Variants in RIPOR2 observed in about 807,000 individuals in gnomAD.
RIPOR2 encodes the protein rho family-interacting cell polarization regulator 2.
RIPOR2 carries 39 observed loss-of-function variants against 114.5 expected under a neutral mutation model. That is an observed-to-expected ratio of 0.34 (90% CI 0.26 to 0.44). The LOEUF (loss-of-function observed/expected upper bound fraction) is 0.44. Among genes scored for constraint, RIPOR2 ranks in the 20% least tolerant of loss-of-function variants. The pLI, the probability that RIPOR2 is intolerant of heterozygous loss-of-function variation, is 1.00. For synonymous variants in RIPOR2, 445 were observed against 484.4 expected (o/e 0.92, Z 1.07); for missense variants, 1,007 against 1,255.1 (o/e 0.80, Z 2.99).
intron 1 of RIPOR2, among the ~76,000 whole-genome samples, chr6:24,942,688 T>C (rs997640252): frequency 6.6e-6 from 1 of 152,224 alleles, no homozygotes; most frequent in African/African-American, 2.4e-5. Flanking sequence ...TTTTCATATG[T>C]CTTTTGGCTA....
intron 21 of RIPOR2, among the ~76,000 whole-genome samples, chr6:24,806,844 T>G (rs1253067190): frequency 6.6e-6 from 1 of 152,254 alleles, no homozygotes; most frequent in Non-Finnish European, 1.5e-5. Flanking sequence ...AACTTTTACA[T>G]AACTTTTACT....
At chr6:24,943,605 G>A (rs902509723) in intron 1 of RIPOR2, among the ~76,000 whole-genome samples, 1 of 152,026 alleles carries the variant, frequency 6.6e-6, no homozygotes. Flanking sequence ...CAATCCAGGA[G>A]CATTTATTCA....
chr6:24,890,958 CA>C (rs34772879), intron 1 of RIPOR2, among the ~76,000 whole-genome samples: 57,254 of 149,324 alleles, frequency 0.38, 11,138 homozygotes, highest in African/African-American at 0.47. Context: ...TAAATTTATA[CA>C]AAAAAAAAAT....
intron 1 of RIPOR2, among the ~76,000 whole-genome samples, chr6:25,025,194 G>C (rs532668571): frequency 6.6e-6 from 1 of 152,284 alleles, no homozygotes; most frequent in South Asian, 2.1e-4. Flanking sequence ...CACAGGTCCT[G>C]GTGTACATGT....
chr6:24,946,209 A>T (rs1393045639), intron 1 of RIPOR2, among the ~76,000 whole-genome samples: 1 of 151,756 alleles, frequency 6.6e-6, no homozygotes, highest in East Asian at 1.9e-4. Context: ...CAGCCTCCCA[A>T]ATAGCTGGGA....
At chr6:24,969,561 C>T (rs1396801811) in intron 1 of RIPOR2, among the ~76,000 whole-genome samples, 1 of 152,154 alleles carries the variant, frequency 6.6e-6, no homozygotes, top group Admixed American at 6.5e-5. Flanking sequence ...TGTGAGGCCC[C>T]AATGTGCAAA....
Position 25,022,532 on chromosome 6 carries a change from A to AT in RIPOR2, c.76+19318dup, listed in dbSNP as rs10564019. ...ACATATAACTAATGTGGTACCTTCC[A>AT]TTTTTTTTTTTTTTTTTTTTTTTTT... On this transcript the variant is annotated intron_variant, in intron 1 of 13. Transcript: ENST00000510784. 1.1e-3 allele frequency among the ~76,000 whole-genome samples: 47 copies of AT among 40,988 alleles called. 3 individuals carry two copies. The highest frequency in any genetic ancestry group is 1.8e-3 in the Admixed American group (5 of 2,704). The allele number at this position is 40,988 out of a possible 152,430, so 26.9% of individuals were successfully genotyped here. A position where few individuals can be genotyped will look rare whatever the true frequency, so the allele number is the denominator to read the frequency against.
chr6:24,893,760 A>G (rs1202089840), intron 1 of RIPOR2, among the ~76,000 whole-genome samples: 1 of 152,234 alleles, frequency 6.6e-6, no homozygotes, highest in Admixed American at 6.5e-5. Flanking sequence ...CAACAGGGGA[A>G]GAGAATCGTG....
intron 1 of RIPOR2, among the ~76,000 whole-genome samples, chr6:24,880,512 A>G (rs1429021079): frequency 1.3e-5 from 2 of 152,196 alleles, no homozygotes; most frequent in Non-Finnish European, 2.9e-5. Context: ...TTATACAGAA[A>G]AGGTATTTGT....
chr6:24,995,197 T>C (rs1774994191), intron 1 of RIPOR2, among the ~76,000 whole-genome samples: 1 of 152,236 alleles, frequency 6.6e-6, no homozygotes, highest in Admixed American at 6.5e-5. Context: ...CTGGCTCTGC[T>C]GTTTGCTTTG....
At chr6:24,963,938 T>G (rs1392769443) in intron 1 of RIPOR2, among the ~76,000 whole-genome samples, 1 of 152,122 alleles carries the variant, frequency 6.6e-6, no homozygotes. Context: ...TTCACTCTGT[T>G]TTTTGAGACA....
chr6:25,034,345 G>A (rs549841963), intron 1 of RIPOR2, among the ~76,000 whole-genome samples: 1 of 152,230 alleles, frequency 6.6e-6, no homozygotes, highest in African/African-American at 2.4e-5. Flanking sequence ...GGTAAGGGGT[G>A]TGTATATAGT....
In RIPOR2 at chr6:25,022,071, C is replaced by T. The variant is rs867578225; in HGVS notation, c.76+19780G>A. 2.6e-5 allele frequency among the ~76,000 whole-genome samples: 4 copies of T among 152,300 alleles called. No individual in the cohort carries two copies. In the South Asian group the frequency reaches 8.3e-4, roughly 32 times the overall value. Reference sequence around the variant, plus strand: ...CCCATCACTTTGATGGGATTAGATACATTTGTTTTTAGGTATAATTTACAT... The same window carrying T: ...CCCATCACTTTGATGGGATTAGATATATTTGTTTTTAGGTATAATTTACAT... On this transcript the variant is annotated intron_variant, in intron 1 of 13. Coordinates refer to the RIPOR2 transcript ENST00000510784.
intron 13 of RIPOR2, chr6:24,839,672 A>G: frequency 6.5e-7 from 1 of 1,526,880 alleles, no homozygotes; most frequent in Non-Finnish European, 8.8e-7. Flanking sequence ...GTCAACCACA[A>G]AGCCTTGGGA....
At chr6:24,960,496 G>T (rs1773253502) in intron 1 of RIPOR2, among the ~76,000 whole-genome samples, 1 of 152,094 alleles carries the variant, frequency 6.6e-6, no homozygotes, top group South Asian at 2.1e-4. Flanking sequence ...CTGCACTGGG[G>T]ATTGAGCTTC....
At chr6:24,952,722 C>T (rs1469289124) in intron 1 of RIPOR2, among the ~76,000 whole-genome samples, 2 of 152,188 alleles carry the variant, frequency 1.3e-5, no homozygotes, top group Non-Finnish European at 1.5e-5. Flanking sequence ...AAACAGCTCA[C>T]AACATTTCTG....
chr6:24,966,031 T>C (rs1773511840), intron 1 of RIPOR2, among the ~76,000 whole-genome samples: 2 of 152,248 alleles, frequency 1.3e-5, no homozygotes, highest in African/African-American at 4.8e-5. Context: ...AATTAAATGA[T>C]TGCTTTATTA....
chr6:24,899,349 T>A (rs562235910), intron 1 of RIPOR2, among the ~76,000 whole-genome samples: 2 of 152,186 alleles, frequency 1.3e-5, no homozygotes, highest in African/African-American at 4.8e-5. Context: ...ACATATGAGT[T>A]AAGTCAGTGA....
intron 1 of RIPOR2, chr6:24,948,395 T>G (rs574578286): frequency 6.6e-6 from 1 of 152,284 alleles, no homozygotes; most frequent in South Asian, 2.1e-4. Context: ...ATCCCCAGAA[T>G]ACCTGACTAT....
Sources: gnomAD v4.1 joint callset for allele counts (sites outside exome capture counted in the v4.1 genomes callset) on GRCh38, gnomAD v4.1.1 for gene constraint, MANE v1.5 for transcripts, NCBI Gene and HGNC (gene_info 2026-07-23, HGNC 2026-07-21) for gene names.